The following PDE10A variants were observed in gnomAD, a reference collection of about 807,000 sequenced individuals.
PDE10A encodes the protein phosphodiesterase 10A.
In PDE10A, 39 loss-of-function variants were observed where a neutral mutation model predicts 97.7. The ratio of observed to expected loss-of-function variants is 0.40; its 90% CI spans 0.31 to 0.52. The LOEUF is 0.52. Among genes scored for constraint, PDE10A ranks in the 20% least tolerant of loss-of-function variants. The pLI is 0.56. For missense variants in PDE10A, 731 were observed against 1,047.8 expected (o/e 0.70, Z 4.17); for synonymous variants, 371 against 376.8 (o/e 0.98, Z 0.18).
At chr6:165,977,826 A>G (rs1784894890) in intron 1 of PDE10A, among the ~76,000 whole-genome samples, 1 of 152,252 alleles carries the variant, frequency 6.6e-6, no homozygotes, top group Admixed American at 6.5e-5. Flanking sequence ...GAGTAGCCCC[A>G]AAGTTGAAAC....
chr6:165,439,374 C>T (rs1790269356), intron 5 of PDE10A, among the ~76,000 whole-genome samples: 2 of 152,088 alleles, frequency 1.3e-5, no homozygotes, highest in Non-Finnish European at 2.9e-5. Flanking sequence ...AAAACCACAA[C>T]TAAAAAACAA....
At chr6:165,347,973 G>T (rs1209887333) in intron 18 of PDE10A, among the ~76,000 whole-genome samples, 1 of 152,074 alleles carries the variant, frequency 6.6e-6, no homozygotes, top group Non-Finnish European at 1.5e-5. Context: ...AATTAACAAA[G>T]AATTGTTAAA....
chr6:165,543,901 A>G (rs1186453113), intron 1 of PDE10A, among the ~76,000 whole-genome samples: 1 of 152,132 alleles, frequency 6.6e-6, no homozygotes, highest in African/African-American at 2.4e-5. Flanking sequence ...TATGACCACA[A>G]TAAAAAAGAA....
chr6:165,683,722 C>T (rs1011313609), intron 1 of PDE10A, among the ~76,000 whole-genome samples: 1 of 152,194 alleles, frequency 6.6e-6, no homozygotes, highest in Non-Finnish European at 1.5e-5. Flanking sequence ...GAGCCTCACA[C>T]AGGAGGGCTG....
At chr6:165,434,467 T>C (rs1475674259) in intron 6 of PDE10A, among the ~76,000 whole-genome samples, 1 of 152,214 alleles carries the variant, frequency 6.6e-6, no homozygotes, top group Non-Finnish European at 1.5e-5. Flanking sequence ...TTCATTAAAA[T>C]GTCCACATGT....
intron 1 of PDE10A, among the ~76,000 whole-genome samples, chr6:165,975,167 C>T (rs1329674604): frequency 6.6e-6 from 1 of 152,210 alleles, no homozygotes; most frequent in Non-Finnish European, 1.5e-5. Flanking sequence ...TAAGTTTATT[C>T]TCTTTGCGTG....
At chr6:165,754,855 G>A (rs1793082462) in intron 1 of PDE10A, among the ~76,000 whole-genome samples, 1 of 152,138 alleles carries the variant, frequency 6.6e-6, no homozygotes, top group Non-Finnish European at 1.5e-5. Flanking sequence ...CAAAAATAGA[G>A]ATGTTTCACT....
Position 165,543,424 on chromosome 6 carries a change from C to T in PDE10A, c.994+16G>A, listed in dbSNP as rs760845213. 25 of 1,603,480 alleles carry T rather than the reference C, an allele frequency of 1.6e-5. No homozygotes were observed. In the East Asian group the frequency reaches 5.6e-4, roughly 36 times the overall value. ...AGAAAAAGCTGGTTTAAAATGAGAT[C>T]CACAAGAGACCTTACCTTCTGATTT... On this transcript the variant is annotated intron_variant, in intron 2 of 21. Coordinates refer to ENST00000539869, the MANE Select transcript of PDE10A (RefSeq NM_001385079.1).
intron 1 of PDE10A, chr6:165,754,122 G>A (rs1030813621): frequency 6.6e-6 from 1 of 152,276 alleles, no homozygotes; most frequent in Admixed American, 6.5e-5. Flanking sequence ...ATGTGCATAC[G>A]ATCACCTGCA....
chr6:165,457,490 T>C (rs11759674), intron 3 of PDE10A, among the ~76,000 whole-genome samples: 15,345 of 152,148 alleles, frequency 0.1, 926 homozygotes, highest in Middle Eastern at 0.19. Flanking sequence ...ACCTGAACGA[T>C]AGAACTGTAG....
rs191608297 is a variant in PDE10A at position 165,750,278 on chromosome 6, A to G, written c.-614-206710T>C. Among the ~76,000 whole-genome samples the G allele has an allele frequency of 1.3e-4, 20 of 152,342 alleles. 1 individual carries two copies. The East Asian group carries it at 3.9e-3, about 29-fold the overall frequency. ...GAAGAATTAGCTGAGTTTCATAGGA[A>G]AATCAAAGGGATTCCAAATAAAGGG... is the stretch of plus-strand genomic sequence containing the variant. On this transcript the variant is annotated intron_variant, in intron 1 of 19. Transcript: ENST00000366882.
chr6:165,839,080 G>T (rs1780143014), intron 1 of PDE10A, among the ~76,000 whole-genome samples: 1 of 152,174 alleles, frequency 6.6e-6, no homozygotes, highest in Non-Finnish European at 1.5e-5. Flanking sequence ...TCAATGAAAG[G>T]AATATTTCTA....
chr6:165,670,310 G>A (rs1054602767), intron 1 of PDE10A, among the ~76,000 whole-genome samples: 22 of 152,084 alleles, frequency 1.4e-4, no homozygotes, highest in Non-Finnish European at 5.9e-5. Context: ...CTCTTAACAC[G>A]AGTCACAAAG....
chr6:165,465,954 C>G (rs188597555), intron 3 of PDE10A, among the ~76,000 whole-genome samples: 1 of 143,946 alleles, frequency 6.9e-6, no homozygotes, highest in Non-Finnish European at 1.6e-5. Flanking sequence ...GGAGGAAGTA[C>G]TAAAAGAGAG....
At position 165,974,380 on chromosome 6, in the gene PDE10A, T is replaced by G. The variant is rs539764755; in HGVS notation, c.-615+13149A>C. Among the ~76,000 whole-genome samples, 285 of 152,240 alleles carry G rather than the reference T, an allele frequency of 1.9e-3. 8 individuals carry two copies. In the South Asian group the frequency reaches 0.057, roughly 30 times the overall value. ...AACAATCCTCATGCACCAGGGGGTA[T>G]AGTAAGTGCCTGGCACACCACCCAG... is the stretch of plus-strand genomic sequence containing the variant. On this transcript the variant is annotated intron_variant, in intron 1 of 19. Coordinates refer to the PDE10A transcript ENST00000366882.
At chr6:165,638,741 T>C (rs566406509) in intron 1 of PDE10A, among the ~76,000 whole-genome samples, 1 of 152,308 alleles carries the variant, frequency 6.6e-6, no homozygotes, top group Non-Finnish European at 1.5e-5. Context: ...AACACCCACA[T>C]TGCATAATAA....
At chr6:165,976,393 G>A (rs1335098598) in intron 1 of PDE10A, among the ~76,000 whole-genome samples, 3 of 152,120 alleles carry the variant, frequency 2.0e-5, no homozygotes, top group South Asian at 2.1e-4. Context: ...AGACTAGGCC[G>A]TGACTACAAT....
At position 165,435,372 on chromosome 6, in the gene PDE10A, C is replaced by T. The variant is rs750821288; in HGVS notation, c.1200G>A (p.Leu400=). 1.2e-6 allele frequency: 2 copies of T among 1,613,836 alleles called. No homozygotes were observed. The highest frequency in any genetic ancestry group is 2.2e-5 in the East Asian group (1 of 44,862). Residue 400 remains leucine, a synonymous_variant, in exon 6 of 22, where the codon CTG becomes CTA. Transcript: ENST00000539869. ...LYFLGECNNS[L]CIFTPPGIKE... ...TTATCCCAGGTGGCGTGAATATACA[C>T]AGGCTCTAGGGAGAAGAAAAGATGT...
chr6:165,471,341 C>G (rs1334594825), intron 3 of PDE10A, among the ~76,000 whole-genome samples: 8 of 152,122 alleles, frequency 5.3e-5, no homozygotes, highest in Middle Eastern at 3.2e-3. Flanking sequence ...GTCAAGTGAT[C>G]TCATCTGGGT....
Sources: allele counts gnomAD v4.1 joint callset (sites outside exome capture counted in the v4.1 genomes callset), GRCh38; gene constraint gnomAD v4.1.1; transcripts MANE v1.5; gene names NCBI Gene and HGNC (gene_info 2026-07-23, HGNC 2026-07-21).